Variants in MCPH1 observed in about 807,000 individuals in gnomAD.
MCPH1 encodes the protein microcephalin 1, also known as microcephalin.
Under a neutral mutation model 84.5 loss-of-function variants are expected in MCPH1, and 104 were observed. The observed-to-expected ratio is 1.23, with a 90% confidence interval of 1.05 to 1.45. The LOEUF is 1.45. Among genes scored for constraint, MCPH1 ranks in the 40% most tolerant of loss-of-function variants. The probability of loss-of-function intolerance (pLI) is 0.00; values close to 1 mark genes in which losing one functional copy is unlikely to be tolerated. For synonymous variants in MCPH1, 514 were observed against 366.8 expected (o/e 1.40, Z -4.58); for missense variants, 1,498 against 1,005.7 (o/e 1.49, Z -6.62).
intron 1 of MCPH1, among the ~76,000 whole-genome samples, chr8:6,408,801 G>A (rs948231305): frequency 6.6e-6 from 1 of 152,022 alleles, no homozygotes; most frequent in Non-Finnish European, 1.5e-5. Flanking sequence ...GTGCCCAAGT[G>A]ATCCCACTGC....
chr8:6,477,513 C>A, intron 9 of MCPH1, 81 bp from the exon 10 acceptor site: 1 of 1,311,302 alleles, frequency 7.6e-7, no homozygotes, highest in Non-Finnish European at 1.1e-6. Flanking sequence ...TTTCAAAAAA[C>A]TTATTACAGT....
intron 12 of MCPH1, among the ~76,000 whole-genome samples, chr8:6,520,900 A>G (rs1047674565): frequency 6.6e-6 from 1 of 152,216 alleles, no homozygotes; most frequent in Admixed American, 6.5e-5. Flanking sequence ...GTGGTTTAGT[A>G]ATTTGCCCAG....
intron 12 of MCPH1, among the ~76,000 whole-genome samples, chr8:6,561,304 T>A (rs1350327711): frequency 6.6e-6 from 1 of 152,186 alleles, no homozygotes; most frequent in Non-Finnish European, 1.5e-5. Flanking sequence ...TGATAGGTCA[T>A]TTTGGTAAGT....
chr8:6,531,897 A>G (rs771075138), intron 12 of MCPH1, among the ~76,000 whole-genome samples: 1 of 152,136 alleles, frequency 6.6e-6, no homozygotes, highest in African/African-American at 2.4e-5. Context: ...GTTGAGATTC[A>G]GGTTTTATCT....
At position 6,444,500 on chromosome 8, in the gene MCPH1, AGTGAT is replaced by A. The variant is rs1245589957; in HGVS notation, c.782_786del (p.Asp261ValfsTer11). On this transcript the variant is annotated frameshift_variant, in exon 8 of 14. Coordinates refer to ENST00000344683, the MANE Select transcript of MCPH1 (RefSeq NM_024596.5). LOFTEE classifies it high-confidence loss of function. Reference sequence around the variant, plus strand: ...GGAAGGATCCATTAATGACATTAAAAGTGATGTGTGTATTTCTTCACTTGTATTGA... The same window carrying A: ...GGAAGGATCCATTAATGACATTAAAAGTGTGTATTTCTTCACTTGTATTGA... 1 of 1,614,120 alleles carries A rather than the reference AGTGAT, an allele frequency of 6.2e-7. No individual in the cohort carries two copies. The highest frequency in any genetic ancestry group is 8.5e-7 in the Non-Finnish European group (1 of 1,180,048).
At chr8:6,545,410 G>A (rs2959822) in intron 12 of MCPH1, among the ~76,000 whole-genome samples, 7,681 of 152,264 alleles carry the variant, frequency 0.05, 341 homozygotes, top group East Asian at 0.18. Context: ...GACAAGTTTT[G>A]TTGTGACACT....
At chr8:6,561,364 G>A (rs1825511234) in intron 12 of MCPH1, among the ~76,000 whole-genome samples, 1 of 152,174 alleles carries the variant, frequency 6.6e-6, no homozygotes. Flanking sequence ...GTGGTGCTGG[G>A]AACATTCATT....
At chr8:6,591,781 C>T (rs533505416) in intron 12 of MCPH1, among the ~76,000 whole-genome samples, 3 of 152,276 alleles carry the variant, frequency 2.0e-5, no homozygotes, top group South Asian at 2.1e-4. Context: ...GGGACAACTT[C>T]GTCTAACCCC....
At chr8:6,620,354 G>C (rs946485418) in intron 12 of MCPH1, 3 of 152,180 alleles carry the variant, frequency 2.0e-5, no homozygotes, top group Admixed American at 1.3e-4. Flanking sequence ...TATTACAGTA[G>C]TAGGAAAACC....
In MCPH1 at chr8:6,444,943, T is replaced by C; in HGVS notation, c.1221T>C (p.Cys407=). ...VAGPALEALS[C]GESSYDDYFS... ...GACCTGCCCTGGAGGCTCTTAGCTG[T>C]GGGGAGTCTTCATATGATGACTATT... Residue 407 remains cysteine (C), a synonymous_variant, in exon 8 of 14, where the codon TGT becomes TGC. Transcript: ENST00000344683. 6.2e-7 allele frequency: 1 copy of C among 1,614,190 alleles called. No homozygotes were observed. The highest frequency in any genetic ancestry group is 8.5e-7 in the Non-Finnish European group (1 of 1,180,020).
At chr8:6,518,727 G>A (rs1261696255) in intron 12 of MCPH1, among the ~76,000 whole-genome samples, 1 of 152,102 alleles carries the variant, frequency 6.6e-6, no homozygotes, top group African/African-American at 2.4e-5. Context: ...TGTATTCTCT[G>A]TAGTTATTTG....
At position 6,615,359 on chromosome 8, in the gene MCPH1, G is replaced by A. The variant is rs552579460; in HGVS notation, c.2215-6095G>A. ...GGGTGTCCTGAGAAGCAAAGACCAT[G>A]TCCCTGCATTTTTGCATCCTCAGAA... On this transcript the variant is annotated intron_variant, in intron 12 of 13. Coordinates refer to ENST00000344683, the MANE Select transcript of MCPH1 (RefSeq NM_024596.5). 5.3e-5 allele frequency among the ~76,000 whole-genome samples: 8 copies of A among 152,320 alleles called. 1 individual carries two copies. In the South Asian group the frequency reaches 1.5e-3, roughly 28 times the overall value.
intron 12 of MCPH1, chr8:6,532,499 C>T (rs1819706631): frequency 1.9e-6 from 3 of 1,600,756 alleles, no homozygotes; most frequent in Non-Finnish European, 2.6e-6. Flanking sequence ...TAGAAAAGAA[C>T]AGTGTTAGAA....
At chr8:6,414,907 T>G in intron 3 of MCPH1, 24 bp downstream of exon 3, 2 of 1,611,574 alleles carry the variant, frequency 1.2e-6, no homozygotes, top group Non-Finnish European at 1.7e-6. Flanking sequence ...CTCTTACTTT[T>G]TTTCCTTAAG....
At chr8:6,487,311 G>C (rs1260373391) in intron 11 of MCPH1, among the ~76,000 whole-genome samples, 1 of 152,176 alleles carries the variant, frequency 6.6e-6, no homozygotes, top group Non-Finnish European at 1.5e-5. Flanking sequence ...TAAGCAGTGA[G>C]TCAGATGAGA....
chr8:6,419,163 ACACACACACACACACACACACACACGC>A (rs1380531505), intron 3 of MCPH1, among the ~76,000 whole-genome samples: 3 of 35,040 alleles, frequency 8.6e-5, no homozygotes, highest in Admixed American at 5.6e-4. Flanking sequence ...ACACACACAC[ACACACACACACACACACACACACACGC>A]ATTTTTACCC....
chr8:6,446,833 G>A lies in MCPH1; in HGVS notation c.1825+1286G>A, dbSNP rs984174860. 1.2e-5 allele frequency: 12 copies of A among 985,266 alleles called. No individual in the cohort carries two copies. In the African/African-American group the frequency reaches 2.1e-4, roughly 17 times the overall value. 61.0% of individuals were successfully genotyped at this position (985,266 alleles called of 1,614,324 possible). On this transcript the variant is annotated intron_variant, in intron 8 of 13. Transcript: ENST00000344683. The stretch of plus-strand genomic sequence containing the variant: ...GCCTAAAATCCCCGTGTTGCTGGGA[G>A]TGTGCTAGTCCTCGGAAGCAGGTGT...
At chr8:6,636,101 G>A (rs540449688) in intron 13 of MCPH1, among the ~76,000 whole-genome samples, 84 of 152,356 alleles carry the variant, frequency 5.5e-4, no homozygotes, top group Non-Finnish European at 1.0e-3. Flanking sequence ...CACTTTGGGA[G>A]GCCAAGGCGG....
At chr8:6,436,685 A>G (rs1802684347) in intron 5 of MCPH1, among the ~76,000 whole-genome samples, 1 of 151,402 alleles carries the variant, frequency 6.6e-6, no homozygotes, top group South Asian at 2.1e-4. Flanking sequence ...TAAGAATATT[A>G]TGGGCTGGGC....
Sources: allele counts gnomAD v4.1 joint callset (sites outside exome capture counted in the v4.1 genomes callset), GRCh38; gene constraint gnomAD v4.1.1; transcripts MANE v1.5; gene names NCBI Gene and HGNC (gene_info 2026-07-23, HGNC 2026-07-21).